The following CRPPA variants were observed in gnomAD, a reference collection of about 807,000 sequenced individuals.
CRPPA encodes CDP-L-ribitol pyrophosphorylase A.
In CRPPA, 43 loss-of-function variants were observed where a neutral mutation model predicts 52.0. The ratio of observed to expected loss-of-function variants is 0.83; its 90% CI spans 0.65 to 1.07. The LOEUF (loss-of-function observed/expected upper bound fraction) is 1.07. Ranked by LOEUF, CRPPA falls within the 50% of genes least tolerant of loss-of-function variation. CRPPA has a pLI of 0.00. For missense variants in CRPPA, 629 were observed against 551.7 expected (o/e 1.14, Z -1.40); for synonymous variants, 250 against 203.5 (o/e 1.23, Z -1.94).
chr7:16,294,304 T>A lies in CRPPA; in HGVS notation c.835+7117A>T, dbSNP rs145162141. ...GGCTTTTGTCTGATATCAAGTCTTATTTAACTAGTTGCTTAATACCTCAAT... is the reference window on the plus strand; with the variant it reads ...GGCTTTTGTCTGATATCAAGTCTTAATTAACTAGTTGCTTAATACCTCAAT... On this transcript the variant is annotated intron_variant, in intron 5 of 9. Coordinates refer to ENST00000407010, the MANE Select transcript of CRPPA (RefSeq NM_001101426.4). Among the ~76,000 whole-genome samples the A allele has an allele frequency of 1.3e-3, 192 of 152,038 alleles. 1 individual carries two copies. Among genetic ancestry groups the A allele is most frequent in the Admixed American group, 2.8e-3 (42 of 15,262 alleles).
intron 8 of CRPPA, among the ~76,000 whole-genome samples, chr7:16,247,456 C>T (rs755370261): frequency 6.6e-6 from 1 of 152,148 alleles, no homozygotes; most frequent in African/African-American, 2.4e-5. Flanking sequence ...TCAGAACACA[C>T]ACAACATTTA....
intron 8 of CRPPA, among the ~76,000 whole-genome samples, chr7:16,240,748 C>G (rs1783083209): frequency 6.6e-6 from 1 of 152,050 alleles, no homozygotes. Flanking sequence ...ACACATTTTC[C>G]TAGTCTAGTA....
intron 8 of CRPPA, among the ~76,000 whole-genome samples, chr7:16,242,314 C>T (rs1783139201): frequency 6.6e-6 from 1 of 151,992 alleles, no homozygotes; most frequent in East Asian, 1.9e-4. Flanking sequence ...CCTTTTAGTA[C>T]TGCAACACAT....
intron 4 of CRPPA, among the ~76,000 whole-genome samples, chr7:16,305,576 A>C (rs1304251240): frequency 6.6e-6 from 1 of 152,138 alleles, no homozygotes; most frequent in Admixed American, 6.5e-5. Flanking sequence ...AACAACAGAA[A>C]TTTGGCTGGG....
At chr7:16,413,971 C>A (rs1788129270) in intron 1 of CRPPA, among the ~76,000 whole-genome samples, 1 of 152,052 alleles carries the variant, frequency 6.6e-6, no homozygotes, top group South Asian at 2.1e-4. Context: ...TGAATCAGTG[C>A]CAATAGATTA....
chr7:16,144,848 G>T (rs77558342), intron 9 of CRPPA, among the ~76,000 whole-genome samples: 11 of 152,154 alleles, frequency 7.2e-5, no homozygotes, highest in Admixed American at 3.3e-4. Context: ...CTCTAGCTGC[G>T]CTGTCAGGTA....
chr7:16,294,452 A>G (rs1784630245), intron 5 of CRPPA, among the ~76,000 whole-genome samples: 2 of 121,008 alleles, frequency 1.7e-5, no homozygotes, highest in African/African-American at 6.9e-5. Context: ...TGACCCAAAT[A>G]TTGAACTTTC....
At chr7:16,312,800 T>C (rs1021265159) in intron 3 of CRPPA, among the ~76,000 whole-genome samples, 2 of 152,014 alleles carry the variant, frequency 1.3e-5, no homozygotes, top group African/African-American at 4.8e-5. Context: ...GTGTTGTATT[T>C]TGTCAAATGC....
At chr7:16,128,825 C>A (rs979556026) in intron 9 of CRPPA, among the ~76,000 whole-genome samples, 6 of 151,970 alleles carry the variant, frequency 3.9e-5, no homozygotes, top group African/African-American at 1.4e-4. Context: ...AGCAAAGTTA[C>A]TAGGGCTAAG....
At chr7:16,213,312 T>C (rs182547156) in intron 9 of CRPPA, among the ~76,000 whole-genome samples, 1 of 152,346 alleles carries the variant, frequency 6.6e-6, no homozygotes, top group Admixed American at 6.5e-5. Context: ...ATTTTACACA[T>C]AGAATTATTT....
intron 9 of CRPPA, among the ~76,000 whole-genome samples, chr7:16,205,943 A>G (rs553850546): frequency 1.4e-4 from 22 of 152,310 alleles, no homozygotes; most frequent in African/African-American, 5.1e-4. Flanking sequence ...GTAATATTTA[A>G]TAAAACATAT....
intron 8 of CRPPA, among the ~76,000 whole-genome samples, chr7:16,232,664 C>A (rs1363945255): frequency 1.3e-5 from 2 of 152,084 alleles, no homozygotes; most frequent in Admixed American, 6.5e-5. Context: ...AAATAATTAT[C>A]TCTACACTAA....
chr7:16,320,661 C>G (rs547454086), intron 3 of CRPPA, among the ~76,000 whole-genome samples: 1 of 152,208 alleles, frequency 6.6e-6, no homozygotes, highest in African/African-American at 2.4e-5. Context: ...AGTTATAGCC[C>G]CATGCTCACA....
intron 9 of CRPPA, among the ~76,000 whole-genome samples, chr7:16,142,234 C>T (rs919096558): frequency 6.6e-6 from 1 of 152,124 alleles, no homozygotes; most frequent in Non-Finnish European, 1.5e-5. Flanking sequence ...TTCAGGGCTA[C>T]ATGTGCAGGT....
chr7:16,137,633 T>C (rs1330965530), intron 9 of CRPPA, among the ~76,000 whole-genome samples: 1 of 152,172 alleles, frequency 6.6e-6, no homozygotes, highest in Non-Finnish European at 1.5e-5. Context: ...CTATATAATA[T>C]TTAAACTGAT....
At chr7:16,164,118 C>T (rs1780989252) in intron 9 of CRPPA, among the ~76,000 whole-genome samples, 1 of 152,156 alleles carries the variant, frequency 6.6e-6, no homozygotes, top group African/African-American at 2.4e-5. Context: ...AACTTGGTTC[C>T]ATTCTCCCCA....
At chr7:16,275,506 C>T (rs975940979) in intron 6 of CRPPA, among the ~76,000 whole-genome samples, 3 of 152,148 alleles carry the variant, frequency 2.0e-5, no homozygotes, top group Non-Finnish European at 2.9e-5. Context: ...TCCCTTCCTC[C>T]TAAAACTAGA....
chr7:16,111,779 C>T lies in CRPPA; in HGVS notation c.1252-19980G>A, dbSNP rs532453690. Among the ~76,000 whole-genome samples the T allele has an allele frequency of 1.1e-4, 17 of 152,204 alleles. No homozygotes were observed. The South Asian group carries it at 2.1e-3, about 19-fold the overall frequency. On this transcript the variant is annotated intron_variant, in intron 9 of 9. Coordinates refer to ENST00000407010, the MANE Select transcript of CRPPA (RefSeq NM_001101426.4). ...TGGGGTTAGGGGAATGGGGAAATAA[C>T]AAACACAAGGTATAGAAATCTCAGA... is the stretch of plus-strand genomic sequence containing the variant.
At chr7:16,375,603 C>T (rs1275412333) in intron 3 of CRPPA, among the ~76,000 whole-genome samples, 1 of 152,140 alleles carries the variant, frequency 6.6e-6, no homozygotes, top group African/African-American at 2.4e-5. Context: ...GGCCCTCAGC[C>T]AGCATCTGAG....
Sources: allele counts gnomAD v4.1 joint callset (sites outside exome capture counted in the v4.1 genomes callset), GRCh38; gene constraint gnomAD v4.1.1; transcripts MANE v1.5; gene names NCBI Gene and HGNC (gene_info 2026-07-23, HGNC 2026-07-21).